The following TTN variants were observed in gnomAD, a reference collection of about 807,000 sequenced individuals.
TTN encodes the protein connectin.
A neutral mutation model predicts 3,223.0 loss-of-function variants in TTN; 1,525 were observed. The ratio of observed to expected loss-of-function variants is 0.47; its 90% CI spans 0.45 to 0.49. The LOEUF (loss-of-function observed/expected upper bound fraction) is 0.49, where lower values mean the gene tolerates loss of function less well. Among genes scored for constraint, TTN ranks in the 20% least tolerant of loss-of-function variants. The pLI, the probability that TTN is intolerant of heterozygous loss-of-function variation, is 0.00. For synonymous variants in TTN, 14,094 were observed against 15,161.0 expected (o/e 0.93, Z 5.17); for missense variants, 40,786 against 43,424.0 (o/e 0.94, Z 5.40).
chr2:178,773,659 C>T lies in TTN; in HGVS notation c.7397G>A (p.Cys2466Tyr). The T allele has an allele frequency of 1.2e-6, 2 of 1,614,076 alleles. No individual in the cohort carries two copies. Among genetic ancestry groups the T allele is most frequent in the Non-Finnish European group, 1.7e-6 (2 of 1,179,974 alleles). The change falls in exon 32 of 363, where the codon TGT becomes TAT. Residue 2466 changes from cysteine (C) to tyrosine (Y), a missense_variant. Cys to Tyr is a radical substitution (Grantham distance 194). Transcript: ENST00000589042. ...AGTCACATCAGGGACTGACACCTTA[C>T]ATTCAAGCACAGCCTTGGTGCCTTC... ...VIEGTKAVLE[C>Y]KVSVPDVTSV...
chr2:178,674,259 G>T (rs1292571177), intron 151 of TTN, 55 bp downstream of exon 151: 3 of 1,036,640 alleles, frequency 2.9e-6, no homozygotes, highest in African/African-American at 1.6e-5. Context: ...TAGCTACTGA[G>T]AAAGATTTGG....
chr2:178,552,311 CCTT>C lies in TTN; in HGVS notation c.90586_90588del (p.Lys30196del), dbSNP rs770498577. ...ATAACAGTGTATTTTCCTCCATGCTCCTTCTTGGCATTCTTAATACTCAAAGTA... is the reference window on the plus strand; with the variant it reads ...ATAACAGTGTATTTTCCTCCATGCTCCTTGGCATTCTTAATACTCAAAGTA... On this transcript the variant is annotated inframe_deletion, in exon 335 of 363. Transcript: ENST00000589042. 6 of 1,611,700 alleles carry C rather than the reference CCTT, an allele frequency of 3.7e-6. No individual in the cohort carries two copies. The highest frequency in any genetic ancestry group is 1.7e-4 in the Middle Eastern group (1 of 6,046).
In TTN at chr2:178,679,945, C is replaced by T. The variant is rs762246951; in HGVS notation, c.33529G>A (p.Glu11177Lys). 2 of 1,613,210 alleles carry T rather than the reference C, an allele frequency of 1.2e-6. No individual in the cohort carries two copies. Among genetic ancestry groups the T allele is most frequent in the Non-Finnish European group, 8.5e-7 (1 of 1,179,426 alleles). The change falls in exon 140 of 363, where the codon GAA becomes AAA. Residue 11177 changes from glutamate (E) to lysine (K), a missense_variant. By Grantham distance (56) the Glu-to-Lys change is moderately conservative (BLOSUM62 1). Transcript: ENST00000589042. ...VEEEEEYIHE[E>K]EEFITEEEVV... is the part of the protein sequence containing the mutation. ...TCTTCCTCAGTTATGAACTCCTCTT[C>T]TTCATGAATGTACTCTTCTTCTTCT... is the stretch of plus-strand genomic sequence containing the variant.
In TTN at chr2:178,599,790, A is replaced by G. The variant is rs2052786313; in HGVS notation, c.56111T>C (p.Ile18704Thr). The G allele has an allele frequency of 6.2e-7, 1 of 1,610,896 alleles. No homozygotes were observed. The highest frequency in any genetic ancestry group is 1.1e-5 in the South Asian group (1 of 90,506). The change falls in exon 289 of 363, where the codon ATT (isoleucine) becomes ACT (threonine). Residue 18704 changes from isoleucine to threonine, a missense_variant. Coordinates refer to ENST00000589042, the MANE Select transcript of TTN (RefSeq NM_001267550.2). Reference sequence around the variant, plus strand: ...TGGCACACCTTTAATTTTGGCCACAATGTTAACATTGGTTCCTTCTTCAAC... The same window carrying G: ...TGGCACACCTTTAATTTTGGCCACAGTGTTAACATTGGTTCCTTCTTCAAC... ...MEVEEGTNVNIVAKIKGVPFP... is the reference protein window; with the variant it reads ...MEVEEGTNVNTVAKIKGVPFP...
Position 178,729,941 on chromosome 2 carries a change from A to G in TTN, c.18312T>C (p.Pro6104=), listed in dbSNP as rs1480117447. The change falls in exon 63 of 363, where the codon CCT becomes CCC. Residue 6104 remains proline, a synonymous_variant. Transcript: ENST00000589042. ...GACTGGGCTTCTTAATGAATTGAGG[A>G]GGTTCTAAAGATGGAAAAAGAATTG... ...TSKATLFVKE[P]PQFIKKPSPV... 1 of 1,609,670 alleles carries G rather than the reference A, an allele frequency of 6.2e-7. No individual in the cohort carries two copies. Among genetic ancestry groups the G allele is most frequent in the Middle Eastern group, 1.7e-4 (1 of 6,024 alleles).
Position 178,704,865 on chromosome 2 carries a change from A to T in TTN, c.29694+12T>A. 1 of 1,611,614 alleles carries T rather than the reference A, an allele frequency of 6.2e-7. No individual in the cohort carries two copies. Among genetic ancestry groups the T allele is most frequent in the Non-Finnish European group, 8.5e-7 (1 of 1,179,260 alleles). The stretch of plus-strand genomic sequence containing the variant: ...AACTTGTTCATTTTATTATCAACAT[A>T]ATTCTTTTTACCTCTGTCTGTGACA... On this transcript the variant is annotated intron_variant, in intron 104 of 362. Coordinates refer to ENST00000589042, the MANE Select transcript of TTN (RefSeq NM_001267550.2).
At chr2:178,594,884 A>G (rs1423357918) in intron 295 of TTN, among the ~76,000 whole-genome samples, 1 of 152,128 alleles carries the variant, frequency 6.6e-6, no homozygotes, top group East Asian at 1.9e-4. Flanking sequence ...TAATTTAGGA[A>G]AGGTCTTCAG....
In TTN at chr2:178,677,820, T is replaced by C. The variant is rs765888527; in HGVS notation, c.34092A>G (p.Leu11364=). The C allele has an allele frequency of 3.7e-6, 6 of 1,612,734 alleles. No individual in the cohort carries two copies. The East Asian group carries it at 1.3e-4, about 36-fold the overall frequency. The change falls in exon 146 of 363, where the codon CTA becomes CTG. Residue 11364 remains leucine (L), a synonymous_variant. Transcript: ENST00000589042. ...EEEIVPEEEV[L]PEEEEVLPEE... Reference sequence around the variant, plus strand: ...CAGGTAGAACTTCCTCTTCCTCAGGTAGAACTTCCTCTTCAGGAACAATTT... The same window carrying C: ...CAGGTAGAACTTCCTCTTCCTCAGGCAGAACTTCCTCTTCAGGAACAATTT...
At position 178,581,977 on chromosome 2, in the gene TTN, G is replaced by A. The variant is rs1553626919; in HGVS notation, c.66392C>T (p.Thr22131Ile). 1 of 1,613,276 alleles carries A rather than the reference G, an allele frequency of 6.2e-7. No individual in the cohort carries two copies. ...GCCTGGTCCAGCTTTATTTATAGCT[G>A]TAACACGGAACTCATATTCGGTACC... is the stretch of plus-strand genomic sequence containing the variant. ...QEGTEYEFRVTAINKAGPGKP... is the reference protein window; with the variant it reads ...QEGTEYEFRVIAINKAGPGKP... The change falls in exon 315 of 363, where the codon ACA becomes ATA. Residue 22131 changes from threonine to isoleucine, a missense_variant. By Grantham distance (89) the Thr-to-Ile change is moderately conservative. Coordinates refer to ENST00000589042, the MANE Select transcript of TTN (RefSeq NM_001267550.2).
chr2:178,601,874 T>G lies in TTN; in HGVS notation c.55302+8A>C. 2 of 1,609,538 alleles carry G rather than the reference T, an allele frequency of 1.2e-6. No homozygotes were observed. Among genetic ancestry groups the G allele is most frequent in the Non-Finnish European group, 1.7e-6 (2 of 1,178,378 alleles). ...TATTCTGAATTATTTTAATTATTAT[T>G]TTTTTACCTGTGCATCTTCGGGTAT... On this transcript the variant is annotated splice_region_variant and intron_variant, in intron 285 of 362. Coordinates refer to ENST00000589042, the MANE Select transcript of TTN (RefSeq NM_001267550.2).
chr2:178,717,461 C>CT (rs1480726308), intron 87 of TTN, 62 bp downstream of exon 87: 1 of 1,560,042 alleles, frequency 6.4e-7, no homozygotes, highest in Admixed American at 1.9e-5. Flanking sequence ...TGGCACCAGC[C>CT]TTTTGGTGGC....
At position 178,706,478 on chromosome 2, in the gene TTN, C is replaced by T. The variant is rs1254367559; in HGVS notation, c.29396G>A (p.Gly9799Asp). 2 of 1,613,142 alleles carry T rather than the reference C, an allele frequency of 1.2e-6. No homozygotes were observed. The highest frequency in any genetic ancestry group is 2.7e-5 in the African/African-American group (2 of 74,882). The change falls in exon 102 of 363, where the codon GGC (glycine) becomes GAC (aspartate). Residue 9799 changes from glycine to aspartate, a missense_variant. Transcript: ENST00000589042. ...DERKKQEKIE[G>D]DLRAMLKKTP... ...CTTTTTCAGCATTGCTCTAAGATCG[C>T]CTTCAATTTTCTCTTGTTTCTTCCT...
intron 60 of TTN, 54 bp from the exon 61 acceptor site, chr2:178,730,846 T>C (rs2080337317): frequency 6.5e-7 from 1 of 1,526,984 alleles, no homozygotes. Context: ...ACTAATTTGT[T>C]TTTGTTTTTT....
chr2:178,744,851 A>C (rs1238378296), intron 47 of TTN: 2 of 985,124 alleles, frequency 2.0e-6, no homozygotes, highest in Non-Finnish European at 2.4e-6. Flanking sequence ...AGGTATCTCC[A>C]AAAGTGGAAA....
In TTN at chr2:178,789,430, T is replaced by C; in HGVS notation, c.2006A>G (p.Gln669Arg). The change falls in exon 13 of 363, where the codon CAA (glutamine) becomes CGA (arginine). Residue 669 changes from glutamine to arginine, a missense_variant. Gln to Arg is a conservative substitution (Grantham distance 43). Coordinates refer to ENST00000589042, the MANE Select transcript of TTN (RefSeq NM_001267550.2). ...TTCTCTAGTTCTCAGTATTGTTTCTTGTTCTTTGGCTTTAGCAGTAGCAAC... is the reference window on the plus strand; with the variant it reads ...TTCTCTAGTTCTCAGTATTGTTTCTCGTTCTTTGGCTTTAGCAGTAGCAAC... ...IAVATAKAKE[Q>R]ETILRTRETM... The C allele has an allele frequency of 1.9e-6, 3 of 1,613,626 alleles. No individual in the cohort carries two copies. Among genetic ancestry groups the C allele is most frequent in the Non-Finnish European group, 2.5e-6 (3 of 1,179,612 alleles).
Position 178,730,586 on chromosome 2 carries a change from C to T in TTN, c.17947G>A (p.Gly5983Ser), listed in dbSNP as rs1283178531. ...CAAGTGTATGTCCCACTGTCTGTAC[C>T]TTCCAGCTGGCTGATTTCCAAGAAG... ...TAFLEISQLE[G>S]TDSGTYTCSA... Residue 5983 changes from glycine to serine, a missense_variant, in exon 61 of 363, where the codon GGT (glycine) becomes AGT (serine). Transcript: ENST00000589042. The T allele has an allele frequency of 2.5e-6, 4 of 1,613,622 alleles. No homozygotes were observed. The South Asian group carries it at 4.4e-5, about 18-fold the overall frequency.
Position 178,775,629 on chromosome 2 carries a change from T to C in TTN, c.6235A>G (p.Lys2079Glu). ...TGGCTCTGGATTCTTTCGAAGATTT[T>C]TGGAGCCTCCATACTAGGACTTAGT... ...IELSPSMEAP[K>E]IFERIQSQTV... The change falls in exon 28 of 363, where the codon AAA (lysine) becomes GAA (glutamate). Residue 2079 changes from lysine (K) to glutamate (E), a missense_variant. Lys to Glu is a moderately conservative substitution (Grantham distance 56). Coordinates refer to ENST00000589042, the MANE Select transcript of TTN (RefSeq NM_001267550.2). 1 of 1,614,162 alleles carries C rather than the reference T, an allele frequency of 6.2e-7. No homozygotes were observed. Among genetic ancestry groups the C allele is most frequent in the Non-Finnish European group, 8.5e-7 (1 of 1,180,024 alleles).
Position 178,779,430 on chromosome 2 carries a change from A to G in TTN, c.3762T>C (p.Leu1254=). 1 of 1,569,378 alleles carries G rather than the reference A, an allele frequency of 6.4e-7. No individual in the cohort carries two copies. The highest frequency in any genetic ancestry group is 8.8e-7 in the Non-Finnish European group (1 of 1,142,400). The stretch of plus-strand genomic sequence containing the variant: ...TTATTCTATATTCAATTTCTTTAAT[A>G]AGTCTCTCTTCAAAGGAAGAAATAT... ...EFHISSFEER[L]IKEIEYRIIK... is the part of the protein sequence containing the mutation. The change falls in exon 23 of 363, where the codon CTT becomes CTC. Residue 1254 remains leucine (L), a synonymous_variant. Transcript: ENST00000589042.
chr2:178,651,741 G>A lies in TTN; in HGVS notation c.39388C>T (p.Pro13130Ser). 2 of 1,612,924 alleles carry A rather than the reference G, an allele frequency of 1.2e-6. No individual in the cohort carries two copies. Among genetic ancestry groups the A allele is most frequent in the South Asian group, 1.1e-5 (1 of 91,012 alleles). The change falls in exon 206 of 363, where the codon CCA becomes TCA. Residue 13130 changes from proline to serine, a missense_variant. Pro to Ser is a moderately conservative substitution (Grantham distance 74). Coordinates refer to ENST00000589042, the MANE Select transcript of TTN (RefSeq NM_001267550.2). ...EPAAPPQVTVPPKKPVPEKKA... is the reference protein window; with the variant it reads ...EPAAPPQVTVSPKKPVPEKKA... ...TTTTCTGGGACAGGTTTCTTAGGTG[G>A]TACGGTCACTAAAGAATTAGAAGGT... is the stretch of plus-strand genomic sequence containing the variant.
Sources: allele counts gnomAD v4.1 joint callset (sites outside exome capture counted in the v4.1 genomes callset), GRCh38; gene constraint gnomAD v4.1.1; transcripts MANE v1.5; gene names NCBI Gene and HGNC (gene_info 2026-07-23, HGNC 2026-07-21).